Variants in PEBP4 observed in about 807,000 individuals in gnomAD.
PEBP4 encodes phosphatidylethanolamine-binding protein 4.
In PEBP4, 22 loss-of-function variants were observed where a neutral mutation model predicts 23.9. That is an observed-to-expected ratio of 0.92 (90% confidence interval 0.66 to 1.31). PEBP4 has a LOEUF of 1.31. Ranked by LOEUF, PEBP4 falls within the 40% of genes most tolerant of loss-of-function variation. The pLI, the probability that PEBP4 is intolerant of heterozygous loss-of-function variation, is 0.00. For missense variants in PEBP4, 324 were observed against 281.7 expected (o/e 1.15, Z -1.07); for synonymous variants, 112 against 99.3 (o/e 1.13, Z -0.76).
chr8:22,883,504 T>C (rs575445648), intron 3 of PEBP4, among the ~76,000 whole-genome samples: 1 of 151,628 alleles, frequency 6.6e-6, no homozygotes, highest in South Asian at 2.1e-4. Context: ...AGGTTGTATC[T>C]GCACACTTAA....
intron 3 of PEBP4, among the ~76,000 whole-genome samples, chr8:22,904,389 C>G (rs1362517559): frequency 6.6e-6 from 1 of 152,208 alleles, no homozygotes. Flanking sequence ...CCAGCATTAA[C>G]CCTGCAGGGC....
At chr8:22,786,284 G>T (rs1806025580) in intron 4 of PEBP4, among the ~76,000 whole-genome samples, 1 of 152,074 alleles carries the variant, frequency 6.6e-6, no homozygotes, top group Non-Finnish European at 1.5e-5. Flanking sequence ...TTGTTTGTTT[G>T]TTTGTTTGTT....
intron 3 of PEBP4, among the ~76,000 whole-genome samples, chr8:22,852,621 GA>G (rs1807572228): frequency 6.6e-6 from 1 of 152,030 alleles, no homozygotes; most frequent in Non-Finnish European, 1.5e-5. Context: ...AGTCTTTTGT[GA>G]GTGTGAAGAA....
intron 3 of PEBP4, among the ~76,000 whole-genome samples, chr8:22,825,673 T>C (rs1195443935): frequency 3.3e-5 from 5 of 152,198 alleles, no homozygotes; most frequent in Admixed American, 2.6e-4. Flanking sequence ...CAGAGCTATC[T>C]AGACATACCA....
At chr8:22,893,609 A>G (rs1174629251) in intron 3 of PEBP4, among the ~76,000 whole-genome samples, 1 of 152,212 alleles carries the variant, frequency 6.6e-6, no homozygotes. Flanking sequence ...ATATTTTTAA[A>G]GACCCAATTC....
At chr8:22,936,441 T>C (rs9644027) in intron 1 of PEBP4, among the ~76,000 whole-genome samples, 65,714 of 151,856 alleles carry the variant, frequency 0.43, 15,453 homozygotes, top group African/African-American at 0.62. Flanking sequence ...CCACAACTAG[T>C]AAGAAGATTG....
intron 4 of PEBP4, among the ~76,000 whole-genome samples, chr8:22,751,369 C>T (rs1490677211): frequency 6.6e-6 from 1 of 152,214 alleles, no homozygotes; most frequent in East Asian, 1.9e-4. Flanking sequence ...CTGCTTCTTC[C>T]CTGCAAATCC....
Position 22,920,202 on chromosome 8 carries a change from C to G in PEBP4, c.240G>C (p.Lys80Asn). The part of the protein sequence containing the change: ...KITSWMEPIV[K>N]FPGAVDGATY... ...CACTCACGTCCACGGCCCCCGGGAACTTGACTATCGGCTCCATCCAGGAGG... is the reference window on the plus strand; with the variant it reads ...CACTCACGTCCACGGCCCCCGGGAAGTTGACTATCGGCTCCATCCAGGAGG... The change falls in exon 3 of 7, where the codon AAG (lysine) becomes AAC (asparagine). Residue 80 changes from lysine to asparagine, a missense_variant. By Grantham distance (94) the Lys-to-Asn change is moderately conservative (BLOSUM62 0). Coordinates refer to ENST00000256404, the MANE Select transcript of PEBP4 (RefSeq NM_144962.3). The G allele has an allele frequency of 6.2e-6, 10 of 1,612,704 alleles. No homozygotes were observed. Among genetic ancestry groups the G allele is most frequent in the Non-Finnish European group, 7.6e-6 (9 of 1,178,966 alleles).
intron 3 of PEBP4, among the ~76,000 whole-genome samples, chr8:22,913,660 C>T (rs930665791): frequency 5.9e-5 from 9 of 152,336 alleles, no homozygotes; most frequent in Admixed American, 2.6e-4. Flanking sequence ...GTCCCATTGG[C>T]TCCAAAGGAG....
chr8:22,938,301 T>C (rs1020619353), intron 1 of PEBP4, among the ~76,000 whole-genome samples: 13 of 152,176 alleles, frequency 8.5e-5, no homozygotes, highest in Non-Finnish European at 1.8e-4. Context: ...CTCTCCCACC[T>C]CTAGGCCTTT....
At chr8:22,773,772 G>A (rs560201829) in intron 4 of PEBP4, among the ~76,000 whole-genome samples, 18 of 152,242 alleles carry the variant, frequency 1.2e-4, no homozygotes, top group East Asian at 7.7e-4. Flanking sequence ...AGCCTCAGCC[G>A]GGGGCTTTAG....
chr8:22,811,532 A>G (rs2128760696), intron 4 of PEBP4, among the ~76,000 whole-genome samples: 1 of 152,294 alleles, frequency 6.6e-6, no homozygotes, highest in South Asian at 2.1e-4. Context: ...GGCTTCTGTT[A>G]AAAATAGAGG....
rs973961294 is a variant in PEBP4 at position 22,820,564 on chromosome 8, G to A, written c.259-2829C>T. On this transcript the variant is annotated intron_variant, in intron 3 of 6. Coordinates refer to ENST00000256404, the MANE Select transcript of PEBP4 (RefSeq NM_144962.3). The stretch of plus-strand genomic sequence containing the variant: ...CAGAGGAGCATTTATCAACCATGGA[G>A]GGGAAAGGGAAAAGAGAGATTAAAT... Among the ~76,000 whole-genome samples the A allele has an allele frequency of 1.5e-4, 23 of 152,216 alleles. 1 individual carries two copies. The highest frequency in any genetic ancestry group is 4.3e-4 in the African/African-American group (18 of 41,438).
intron 3 of PEBP4, among the ~76,000 whole-genome samples, chr8:22,851,949 G>T (rs940594089): frequency 2.0e-5 from 3 of 152,116 alleles, no homozygotes; most frequent in Non-Finnish European, 4.4e-5. Context: ...GCTGAGCCAC[G>T]GGCCAGCTGG....
At position 22,865,980 on chromosome 8, in the gene PEBP4, G is replaced by C. The variant is rs2128769616; in HGVS notation, c.259-48245C>G. On this transcript the variant is annotated intron_variant, in intron 3 of 6. Transcript: ENST00000256404. The surrounding 1 kb of genome is among the most constrained non-coding windows in gnomAD (Gnocchi z 6.9). ...CCCGGAGAGCGCGCAGCCCCCAGCC[G>C]GCCGCGCCAGCGCTGCGCCCACTCT... Among the ~76,000 whole-genome samples the C allele has an allele frequency of 6.6e-6, 1 of 152,220 alleles. No homozygotes were observed. Among genetic ancestry groups the C allele is most frequent in the South Asian group, 2.1e-4 (1 of 4,826 alleles).
intron 4 of PEBP4, among the ~76,000 whole-genome samples, chr8:22,730,728 G>A (rs1804712566): frequency 6.6e-6 from 1 of 152,168 alleles, no homozygotes; most frequent in South Asian, 2.1e-4. Context: ...CAGCATTTGA[G>A]GAACACAGAC....
intron 4 of PEBP4, among the ~76,000 whole-genome samples, chr8:22,753,861 G>T (rs1286592074): frequency 1.3e-5 from 2 of 152,228 alleles, no homozygotes; most frequent in East Asian, 3.8e-4. Flanking sequence ...GCTACCGCCT[G>T]GACAGCTGTG....
chr8:22,890,570 G>A (rs547975820), intron 3 of PEBP4, among the ~76,000 whole-genome samples: 3 of 152,310 alleles, frequency 2.0e-5, no homozygotes, highest in Non-Finnish European at 4.4e-5. Context: ...GCACTGTGGG[G>A]CACACCTTCA....
intron 6 of PEBP4, among the ~76,000 whole-genome samples, chr8:22,717,477 C>T (rs1450397086): frequency 1.3e-5 from 2 of 151,952 alleles, no homozygotes. Flanking sequence ...GATGTACTTC[C>T]CTCTTAGCCT....
Sources: gnomAD v4.1 joint callset for allele counts (sites outside exome capture counted in the v4.1 genomes callset) on GRCh38, gnomAD v4.1.1 for gene constraint, Gnocchi (gnomAD v3.1) non-coding constraint, MANE v1.5 for transcripts, NCBI Gene and HGNC (gene_info 2026-07-23, HGNC 2026-07-21) for gene names.